Variants in RBFOX1 observed in about 807,000 individuals in gnomAD.
The protein encoded by RBFOX1 is RNA binding fox-1 homolog 1.
RBFOX1 carries 8 observed loss-of-function variants against 57.7 expected under a neutral mutation model. The ratio of observed to expected loss-of-function variants is 0.14; its 90% confidence interval spans 0.08 to 0.25. The LOEUF (loss-of-function observed/expected upper bound fraction) is 0.25, where lower values mean the gene tolerates loss of function less well. Ranked by LOEUF, RBFOX1 falls within the 10% of genes least tolerant of loss-of-function variation. The probability of loss-of-function intolerance (pLI) is 1.00; values close to 1 mark genes in which losing one functional copy is unlikely to be tolerated. For synonymous variants in RBFOX1, 326 were observed against 222.4 expected (o/e 1.47, Z -4.15); for missense variants, 611 against 548.5 (o/e 1.11, Z -1.14).
chr16:6,061,959 C>A (rs2095691854), intron 1 of RBFOX1, among the ~76,000 whole-genome samples: 1 of 152,192 alleles, frequency 6.6e-6, no homozygotes, highest in Non-Finnish European at 1.5e-5. Context: ...GTGACCTGTG[C>A]TTCTGAAGGA....
chr16:6,863,371 C>A (rs2059346506), intron 3 of RBFOX1, among the ~76,000 whole-genome samples: 1 of 151,950 alleles, frequency 6.6e-6, no homozygotes, highest in East Asian at 1.9e-4. Flanking sequence ...CACTAATCTT[C>A]AAGAATGTAT....
chr16:6,713,818 C>T (rs538059590), intron 3 of RBFOX1, among the ~76,000 whole-genome samples: 11 of 152,278 alleles, frequency 7.2e-5, no homozygotes, highest in African/African-American at 2.4e-4. Flanking sequence ...CTTTTTTAGA[C>T]TTCTCCCAGG....
chr16:6,808,550 A>G (rs1471319984), intron 3 of RBFOX1, among the ~76,000 whole-genome samples: 2 of 152,090 alleles, frequency 1.3e-5, no homozygotes, highest in African/African-American at 4.8e-5. Flanking sequence ...ATACTCAACA[A>G]ACATTGTCTG....
chr16:5,508,770 G>C (rs1367847061), intron 2 of RBFOX1, among the ~76,000 whole-genome samples: 1 of 152,194 alleles, frequency 6.6e-6, no homozygotes, highest in African/African-American at 2.4e-5. Flanking sequence ...GGGATCACAG[G>C]GCCAGCTCAC....
At chr16:6,267,300 C>A (rs537993263) in intron 1 of RBFOX1, among the ~76,000 whole-genome samples, 1 of 152,322 alleles carries the variant, frequency 6.6e-6, no homozygotes, top group East Asian at 1.9e-4. Flanking sequence ...ACCGTAGGAT[C>A]ATGTTTCTTA....
chr16:7,496,717 C>A (rs1600002306), intron 4 of RBFOX1, among the ~76,000 whole-genome samples: 2 of 124,562 alleles, frequency 1.6e-5, no homozygotes, highest in South Asian at 2.7e-4. Context: ...TTGACCACTG[C>A]AGTGTTCTCA....
intron 1 of RBFOX1, among the ~76,000 whole-genome samples, chr16:5,419,736 G>A (rs1303288753): frequency 6.6e-6 from 1 of 152,002 alleles, no homozygotes; most frequent in African/African-American, 2.4e-5. Context: ...CAAAAGACCT[G>A]AAAGGCAGAG....
At chr16:6,444,022 A>C (rs1053518853) in intron 2 of RBFOX1, among the ~76,000 whole-genome samples, 2 of 152,204 alleles carry the variant, frequency 1.3e-5, no homozygotes, top group African/African-American at 4.8e-5. Context: ...GTATATGAAC[A>C]GATATTGTAT....
At chr16:6,893,425 T>A (rs554761313) in intron 3 of RBFOX1, among the ~76,000 whole-genome samples, 1 of 152,272 alleles carries the variant, frequency 6.6e-6, no homozygotes, top group Non-Finnish European at 1.5e-5. Context: ...AGAAACTACC[T>A]CATTCATCAA....
intron 2 of RBFOX1, among the ~76,000 whole-genome samples, chr16:5,495,894 G>C (rs925230956): frequency 6.6e-6 from 1 of 152,228 alleles, no homozygotes; most frequent in Admixed American, 6.5e-5. Context: ...GGGAGGCCGA[G>C]GCGGGCAGAT....
At chr16:7,467,941 G>A (rs1398188439) in intron 4 of RBFOX1, among the ~76,000 whole-genome samples, 2 of 152,186 alleles carry the variant, frequency 1.3e-5, no homozygotes, top group Non-Finnish European at 2.9e-5. Flanking sequence ...GTACATTTTG[G>A]ATAACAGGTT....
intron 4 of RBFOX1, among the ~76,000 whole-genome samples, chr16:7,059,558 C>A (rs147516821): frequency 6.6e-6 from 1 of 152,046 alleles, no homozygotes; most frequent in Non-Finnish European, 1.5e-5. Flanking sequence ...AAAAAATGTT[C>A]AATGTGAAAC....
At chr16:5,283,496 T>C (rs546477526) in intron 1 of RBFOX1, among the ~76,000 whole-genome samples, 1 of 152,194 alleles carries the variant, frequency 6.6e-6, no homozygotes, top group African/African-American at 2.4e-5. Context: ...GGAGGGGTGT[T>C]ATACCCTACA....
chr16:6,069,861 C>A (rs546999972), intron 1 of RBFOX1, among the ~76,000 whole-genome samples: 1 of 152,100 alleles, frequency 6.6e-6, no homozygotes, highest in Admixed American at 6.5e-5. Flanking sequence ...GTGGTGCATG[C>A]CTGTAATCCC....
rs187874307 is a variant in RBFOX1 at position 7,434,840 on chromosome 16, A to G, written c.28-83307A>G. ...CTGCAACCTCTGCCTCCCAGACTCA[A>G]GTGATTCTCTAGCCTCAGCCTCCTG... On this transcript the variant is annotated intron_variant, in intron 4 of 15. Transcript: ENST00000550418. 6.8e-3 allele frequency among the ~76,000 whole-genome samples: 1,036 copies of G among 151,886 alleles called. 15 individuals are homozygous for G. The highest frequency in any genetic ancestry group is 0.011 in the Non-Finnish European group (765 of 67,962).
chr16:6,645,417 G>A (rs755269333), intron 2 of RBFOX1, among the ~76,000 whole-genome samples: 4 of 152,188 alleles, frequency 2.6e-5, no homozygotes, highest in Admixed American at 1.3e-4. Context: ...ACATTTTCTC[G>A]GGAATCTTTA....
intron 10 of RBFOX1, among the ~76,000 whole-genome samples, chr16:7,618,700 C>A (rs192236414): frequency 6.6e-6 from 1 of 152,088 alleles, no homozygotes; most frequent in Non-Finnish European, 1.5e-5. Context: ...GTGTTTAATA[C>A]CCTTTCTGTT....
chr16:7,197,345 A>T (rs1220589331), intron 4 of RBFOX1, among the ~76,000 whole-genome samples: 1 of 151,924 alleles, frequency 6.6e-6, no homozygotes, highest in Non-Finnish European at 1.5e-5. Flanking sequence ...TGATCTTGGG[A>T]ATCCCAGAGC....
chr16:6,892,770 GTCTCCC>G (rs1397993396), intron 3 of RBFOX1, among the ~76,000 whole-genome samples: 3,005 of 91,694 alleles, frequency 0.033, 194 homozygotes, highest in East Asian at 0.051. Context: ...AAGCCTCCCT[GTCTCCC>G]TCTCTCTCTC....
Sources: allele counts gnomAD v4.1 joint callset (sites outside exome capture counted in the v4.1 genomes callset), GRCh38; gene constraint gnomAD v4.1.1; transcripts MANE v1.5; gene names NCBI Gene and HGNC (gene_info 2026-07-23, HGNC 2026-07-21).